The following SNTB2 variants were observed in gnomAD, a reference collection of about 807,000 sequenced individuals.
SNTB2 encodes beta-2-syntrophin.
In SNTB2, 34 loss-of-function variants were observed where a neutral mutation model predicts 46.2. The ratio of observed to expected loss-of-function variants is 0.74; its 90% confidence interval spans 0.56 to 0.98. The LOEUF is 0.98. Ranked by LOEUF, SNTB2 falls within the 50% of genes least tolerant of loss-of-function variation. The probability of loss-of-function intolerance (pLI) is 0.00; values close to 1 mark genes in which losing one functional copy is unlikely to be tolerated. For synonymous variants in SNTB2, 290 were observed against 312.6 expected (o/e 0.93, Z 0.76); for missense variants, 603 against 731.4 (o/e 0.82, Z 2.02).
In SNTB2 at chr16:69,280,213, G is replaced by T. The variant is rs1310243981; in HGVS notation, c.1149-3835G>T. Among the ~76,000 whole-genome samples, 5 of 152,202 alleles carry T rather than the reference G, an allele frequency of 3.3e-5. No individual in the cohort carries two copies. In the East Asian group the frequency reaches 9.6e-4, roughly 29 times the overall value. On this transcript the variant is annotated intron_variant, in intron 4 of 6. Transcript: ENST00000336278. ...CGATCAACAGGATCACAAGGCAGAA[G>T]AATTTTTCTTAGTACAGAACAAAAT... is the stretch of plus-strand genomic sequence containing the variant.
intron 3 of SNTB2, among the ~76,000 whole-genome samples, chr16:69,265,367 G>C (rs1355801891): frequency 6.6e-6 from 1 of 152,180 alleles, no homozygotes; most frequent in East Asian, 1.9e-4. Context: ...TTCAATTGGT[G>C]TTAGTGTAAT....
rs1567414526 is a variant in SNTB2, at chr16:69,284,055, C to G, written c.1156C>G (p.His386Asp). 6.2e-7 allele frequency: 1 copy of G among 1,610,940 alleles called. No individual in the cohort carries two copies. Among genetic ancestry groups the G allele is most frequent in the South Asian group, 1.1e-5 (1 of 90,616 alleles). ...SYPLVATRLVHSGSGCRSPSL... is the reference protein window; with the variant it reads ...SYPLVATRLVDSGSGCRSPSL... Reference sequence around the variant, plus strand: ...CTCTGTTTGTGGTCCTAGGTTGGTTCATTCTGGCTCCGGATGTCGATCCCC... The same window carrying G: ...CTCTGTTTGTGGTCCTAGGTTGGTTGATTCTGGCTCCGGATGTCGATCCCC... Residue 386 changes from histidine to aspartate, a missense_variant, in exon 5 of 7, where the codon CAT (histidine) becomes GAT (aspartate). Coordinates refer to ENST00000336278, the MANE Select transcript of SNTB2 (RefSeq NM_006750.4).
At chr16:69,282,263 C>A (rs1280943329) in intron 4 of SNTB2, among the ~76,000 whole-genome samples, 1 of 149,868 alleles carries the variant, frequency 6.7e-6, no homozygotes, top group Non-Finnish European at 1.5e-5. Flanking sequence ...GAGTTTAAGA[C>A]CAGCCTGGCT....
chr16:69,270,336 T>C (rs1964925817), intron 4 of SNTB2, 51 bp downstream of exon 4: 18 of 1,599,454 alleles, frequency 1.1e-5, no homozygotes, highest in Non-Finnish European at 1.5e-5. Flanking sequence ...ACTCTAAATC[T>C]ACAAAAGAAT....
At chr16:69,295,675 A>G (rs1044720174) in intron 5 of SNTB2, among the ~76,000 whole-genome samples, 2 of 151,856 alleles carry the variant, frequency 1.3e-5, no homozygotes, top group Non-Finnish European at 2.9e-5. Flanking sequence ...AATAAGTCCC[A>G]GATGCTATCC....
At chr16:69,250,557 AC>A (rs1964716071) in intron 2 of SNTB2, among the ~76,000 whole-genome samples, 1 of 152,224 alleles carries the variant, frequency 6.6e-6, no homozygotes, top group Admixed American at 6.5e-5. Context: ...TGTAGAATGG[AC>A]ATAATATCTG....
chr16:69,190,750 T>A (rs1180267348), intron 1 of SNTB2, among the ~76,000 whole-genome samples: 2 of 152,178 alleles, frequency 1.3e-5, no homozygotes, highest in Admixed American at 1.3e-4. Flanking sequence ...GCAAGGACTT[T>A]GTGGTCAGAT....
At chr16:69,253,808 T>C (rs1045103988) in intron 2 of SNTB2, among the ~76,000 whole-genome samples, 9 of 152,214 alleles carry the variant, frequency 5.9e-5, no homozygotes, top group African/African-American at 2.2e-4. Flanking sequence ...CTCCCAGTTA[T>C]TAATAACTAG....
intron 1 of SNTB2, among the ~76,000 whole-genome samples, chr16:69,240,267 G>A (rs1964598291): frequency 6.6e-6 from 1 of 152,124 alleles, no homozygotes. Context: ...TGTTATTTTA[G>A]AATGAAGAGG....
At chr16:69,298,905 T>C (rs1331458181) in intron 5 of SNTB2, among the ~76,000 whole-genome samples, 3 of 152,150 alleles carry the variant, frequency 2.0e-5, no homozygotes, top group Non-Finnish European at 4.4e-5. Context: ...TTCACTTTGG[T>C]GTTTGCTCAT....
At chr16:69,208,721 C>A (rs894828926) in intron 1 of SNTB2, among the ~76,000 whole-genome samples, 2 of 151,674 alleles carry the variant, frequency 1.3e-5, no homozygotes, top group Non-Finnish European at 2.9e-5. Context: ...CTAGGCTGGG[C>A]GCGGTGGCTC....
chr16:69,260,822 G>GT (rs1483215886), intron 3 of SNTB2, among the ~76,000 whole-genome samples: 1 of 152,078 alleles, frequency 6.6e-6, no homozygotes, highest in Non-Finnish European at 1.5e-5. Flanking sequence ...TCTGGGAAAA[G>GT]TATAAAATAT....
intron 1 of SNTB2, among the ~76,000 whole-genome samples, chr16:69,244,654 T>C (rs1268329864): frequency 2.0e-5 from 3 of 152,226 alleles, no homozygotes; most frequent in Admixed American, 2.0e-4. Context: ...ACTAAAAGCT[T>C]GATTTTCATT....
At chr16:69,199,242 C>T (rs1037110536) in intron 1 of SNTB2, among the ~76,000 whole-genome samples, 1 of 152,032 alleles carries the variant, frequency 6.6e-6, no homozygotes, top group African/African-American at 2.4e-5. Context: ...ATAATTGAAT[C>T]TTAGTTTGAT....
chr16:69,232,461 T>TCCCAAA lies in SNTB2; in HGVS notation c.581-13140_581-13135dup, dbSNP rs1455300160. Among the ~76,000 whole-genome samples, 6 of 142,960 alleles carry TCCCAAA rather than the reference T, an allele frequency of 4.2e-5. No individual in the cohort carries two copies. In the East Asian group the frequency reaches 1.3e-3, roughly 31 times the overall value. The allele number at this position is 142,960 out of a possible 152,430, so 93.8% of individuals were successfully genotyped here. ...ACCTTGTGATCTGCCCGCCTCAGCC[T>TCCCAAA]CCCAAAGTGCTGGGATTACAGGTGT... On this transcript the variant is annotated intron_variant, in intron 1 of 6. Coordinates refer to ENST00000336278, the MANE Select transcript of SNTB2 (RefSeq NM_006750.4).
chr16:69,205,131 C>G (rs1417895924), intron 1 of SNTB2, among the ~76,000 whole-genome samples: 1 of 151,684 alleles, frequency 6.6e-6, no homozygotes, highest in Non-Finnish European at 1.5e-5. Context: ...TCAATTTCAT[C>G]CTGGGAAATA....
intron 4 of SNTB2, among the ~76,000 whole-genome samples, chr16:69,281,905 CTTTTT>C (rs776664092): frequency 2.4e-5 from 3 of 125,312 alleles, no homozygotes; most frequent in Admixed American, 8.2e-5. Context: ...TTGTTTCTCT[CTTTTT>C]TTTTTTTTTT....
intron 2 of SNTB2, among the ~76,000 whole-genome samples, chr16:69,255,812 G>A (rs1252064789): frequency 4.6e-5 from 7 of 150,638 alleles, no homozygotes; most frequent in Non-Finnish European, 1.0e-4. Flanking sequence ...AGGAGGTGGA[G>A]GTTGCAGTGA....
chr16:69,286,781 G>C (rs1965107419), intron 5 of SNTB2, among the ~76,000 whole-genome samples: 1 of 151,730 alleles, frequency 6.6e-6, no homozygotes, highest in Non-Finnish European at 1.5e-5. Flanking sequence ...GGCTAAGGTA[G>C]GAAGATTGCT....
Sources: allele counts gnomAD v4.1 joint callset (sites outside exome capture counted in the v4.1 genomes callset), GRCh38; gene constraint gnomAD v4.1.1; transcripts MANE v1.5; gene names NCBI Gene and HGNC (gene_info 2026-07-23, HGNC 2026-07-21).